The following ANO4 variants were observed in gnomAD, a reference collection of about 807,000 sequenced individuals.
The protein encoded by ANO4 is anoctamin-4.
ANO4 carries 69 observed loss-of-function variants against 141.9 expected under a neutral mutation model. That is an observed-to-expected ratio of 0.49 (90% CI 0.40 to 0.59). The LOEUF is 0.59. Ranked by LOEUF, ANO4 falls within the 20% of genes least tolerant of loss-of-function variation. The pLI is 0.00. For missense variants in ANO4, 894 were observed against 1,162.2 expected (o/e 0.77, Z 3.36); for synonymous variants, 350 against 394.3 (o/e 0.89, Z 1.33).
rs111520369 is a variant in ANO4 at position 100,731,461 on chromosome 12, C to T, written c.23-2313C>T. On this transcript the variant is annotated intron_variant, in intron 1 of 29. Transcript: ENST00000644049. ...TATACTCCCCTGTTATCAATATCTCCCACTGGAGTGGTGCATTTGTTACAA... is the reference window on the plus strand; with the variant it reads ...TATACTCCCCTGTTATCAATATCTCTCACTGGAGTGGTGCATTTGTTACAA... 1.3e-3 allele frequency among the ~76,000 whole-genome samples: 193 copies of T among 152,248 alleles called. 2 individuals carry two copies. Among genetic ancestry groups the T allele is most frequent in the African/African-American group, 4.5e-3 (187 of 41,542 alleles).
chr12:101,007,010 T>C (rs893648288), intron 8 of ANO4, among the ~76,000 whole-genome samples: 1 of 152,196 alleles, frequency 6.6e-6, no homozygotes, highest in African/African-American at 2.4e-5. Flanking sequence ...CAGGAACTTA[T>C]ACACTGGGGG....
intron 8 of ANO4, among the ~76,000 whole-genome samples, chr12:100,989,788 TGG>T (rs2044986698): frequency 6.7e-6 from 1 of 150,184 alleles, no homozygotes; most frequent in African/African-American, 2.5e-5. Context: ...GATGGATGGA[TGG>T]ATGGATGGAT....
rs139662084 is a variant in ANO4, at chr12:100,827,124, T to A, written c.-141+32097T>A. Among the ~76,000 whole-genome samples the A allele has an allele frequency of 8.0e-3, 1,212 of 152,222 alleles. 8 individuals are homozygous for A. Among genetic ancestry groups the A allele is most frequent in the Middle Eastern group, 0.034 (10 of 294 alleles). ...TGCTGAAAATCCTCTGATGGCTTTC[T>A]GCTTTAGTCAGATAGTAAAAGACAA... On this transcript the variant is annotated intron_variant, in intron 1 of 27. Coordinates refer to ENST00000392977, the MANE Select transcript of ANO4 (RefSeq NM_001286615.2).
At chr12:100,765,703 AAG>A (rs1371980198) in intron 3 of ANO4, among the ~76,000 whole-genome samples, 58 of 151,418 alleles carry the variant, frequency 3.8e-4, no homozygotes, top group Non-Finnish European at 6.8e-4. Flanking sequence ...AAAAAAAAAA[AAG>A]AGTTCTTAGA....
At chr12:100,970,494 C>T (rs2043867869) in intron 5 of ANO4, among the ~76,000 whole-genome samples, 1 of 152,136 alleles carries the variant, frequency 6.6e-6, no homozygotes, top group African/African-American at 2.4e-5. Context: ...GCCTTCTCCT[C>T]CTTAGGTCTC....
chr12:100,733,821 G>C, exon 2 of ANO4: 1 of 702,092 alleles, frequency 1.4e-6, no homozygotes, highest in East Asian at 2.7e-5. Flanking sequence ...TGCAACGACG[G>C]GCAGCTACTA....
intron 8 of ANO4, among the ~76,000 whole-genome samples, chr12:101,002,938 A>G (rs1407219294): frequency 6.6e-6 from 1 of 152,164 alleles, no homozygotes; most frequent in Non-Finnish European, 1.5e-5. Flanking sequence ...ACTGTTGACA[A>G]AAGCATTCCT....
intron 3 of ANO4, among the ~76,000 whole-genome samples, chr12:100,777,026 T>C (rs928054964): frequency 6.6e-6 from 1 of 152,020 alleles, no homozygotes; most frequent in Non-Finnish European, 1.5e-5. Flanking sequence ...TCTTCATTTT[T>C]ACAGCTAAGG....
chr12:101,042,186 A>G (rs974417824), intron 11 of ANO4, 148 bp from the exon 12 acceptor site: 4 of 950,172 alleles, frequency 4.2e-6, no homozygotes, highest in Non-Finnish European at 3.1e-6. Context: ...CAGATCCTAG[A>G]TTTGATGGGA....
chr12:101,107,568 C>A lies in ANO4; in HGVS notation c.2150-2836C>A, dbSNP rs887819972. On this transcript the variant is annotated intron_variant, in intron 22 of 27. Coordinates refer to ENST00000392977, the MANE Select transcript of ANO4 (RefSeq NM_001286615.2). ...AGCAACACTGCATATATGCTGTATC[C>A]CCATAAAATCAGAAGACTAGTGTGG... Among the ~76,000 whole-genome samples the A allele has an allele frequency of 2.6e-5, 4 of 151,910 alleles. 1 individual carries two copies. Among genetic ancestry groups the A allele is most frequent in the African/African-American group, 9.7e-5 (4 of 41,306 alleles).
intron 14 of ANO4, among the ~76,000 whole-genome samples, chr12:101,064,458 G>T (rs1421630718): frequency 6.6e-6 from 1 of 152,016 alleles, no homozygotes; most frequent in Non-Finnish European, 1.5e-5. Context: ...CATTTGAAAA[G>T]ACTAGTAGTT....
chr12:100,981,033 C>T (rs918420548), intron 7 of ANO4, among the ~76,000 whole-genome samples: 3 of 152,136 alleles, frequency 2.0e-5, no homozygotes, highest in African/African-American at 4.8e-5. Flanking sequence ...TGCATTCTGC[C>T]TGACTTGATC....
At chr12:100,857,562 T>A (rs2038242087) in intron 1 of ANO4, among the ~76,000 whole-genome samples, 3 of 152,256 alleles carry the variant, frequency 2.0e-5, no homozygotes, top group Admixed American at 6.5e-5. Flanking sequence ...CCCTCATTTA[T>A]AAACTCCAGG....
chr12:100,813,086 G>T (rs1040566276), intron 1 of ANO4, among the ~76,000 whole-genome samples: 1 of 152,178 alleles, frequency 6.6e-6, no homozygotes. Flanking sequence ...CTACTATTCT[G>T]TGTAGCTAGT....
chr12:100,853,096 T>C (rs531194325), intron 1 of ANO4, among the ~76,000 whole-genome samples: 18 of 152,304 alleles, frequency 1.2e-4, no homozygotes, highest in African/African-American at 3.6e-4. Context: ...ATTTCCCCTT[T>C]GATGAGCTGC....
chr12:100,964,453 T>C (rs1021653859), intron 5 of ANO4, among the ~76,000 whole-genome samples: 2 of 149,306 alleles, frequency 1.3e-5, no homozygotes, highest in Admixed American at 6.7e-5. Flanking sequence ...TACTATTCAT[T>C]TGCATTCACT....
chr12:100,823,913 A>G (rs768372930), intron 1 of ANO4, among the ~76,000 whole-genome samples: 1 of 152,184 alleles, frequency 6.6e-6, no homozygotes. Flanking sequence ...AGAATAGTTC[A>G]CATATAGCAA....
rs181235969 is a variant in ANO4, at chr12:101,045,958, T to C, written c.1251+2323T>C. On this transcript the variant is annotated intron_variant, in intron 13 of 27. Transcript: ENST00000392977. ...GGGAATCTTCTTTGGAGGGGAGGGG[T>C]TGTTGTCTTCCCCATATATTTCATT... Among the ~76,000 whole-genome samples the C allele has an allele frequency of 2.5e-3, 375 of 152,124 alleles. 2 individuals carry two copies. The highest frequency in any genetic ancestry group is 7.7e-3 in the African/African-American group (320 of 41,496).
At chr12:101,075,960 C>G (rs2049009318) in intron 14 of ANO4, among the ~76,000 whole-genome samples, 1 of 152,016 alleles carries the variant, frequency 6.6e-6, no homozygotes. Flanking sequence ...TTCATAGGTA[C>G]AAATAGAGGC....
Sources: allele counts gnomAD v4.1 joint callset (sites outside exome capture counted in the v4.1 genomes callset), GRCh38; gene constraint gnomAD v4.1.1; transcripts MANE v1.5; gene names NCBI Gene and HGNC (gene_info 2026-07-23, HGNC 2026-07-21).